The following SRPK2 variants were observed in gnomAD, a reference collection of about 807,000 sequenced individuals.
SRPK2 encodes SFRS protein kinase 2.
In SRPK2, 21 loss-of-function variants were observed where a neutral mutation model predicts 90.8. The ratio of observed to expected loss-of-function variants is 0.23; its 90% confidence interval spans 0.16 to 0.33. The LOEUF is 0.33. Among genes scored for constraint, SRPK2 ranks in the 10% least tolerant of loss-of-function variants. The pLI is 1.00. For missense variants in SRPK2, 620 were observed against 869.0 expected (o/e 0.71, Z 3.60); for synonymous variants, 288 against 311.1 (o/e 0.93, Z 0.78).
intron 2 of SRPK2, among the ~76,000 whole-genome samples, chr7:105,243,646 A>T (rs1410142640): frequency 6.6e-6 from 1 of 151,288 alleles, no homozygotes; most frequent in East Asian, 2.0e-4. Flanking sequence ...AAAAAAAAAA[A>T]AAAACCACAT....
chr7:105,229,588 T>C (rs535604684), intron 2 of SRPK2, among the ~76,000 whole-genome samples: 1 of 152,188 alleles, frequency 6.6e-6, no homozygotes, highest in Non-Finnish European at 1.5e-5. Context: ...TCCCTCTCCT[T>C]CCGCAGTGCC....
chr7:105,127,072 A>G lies in SRPK2; in HGVS notation c.1753-10T>C. ...TTGCCAGCTCAAATGCCTAGGATAC[A>G]ACAGACGACATGCTAAGCACTTCAG... On this transcript the variant is annotated splice_polypyrimidine_tract_variant and intron_variant, in intron 13 of 15. Transcript: ENST00000393651. 6.2e-7 allele frequency: 1 copy of G among 1,614,118 alleles called. No homozygotes were observed. Among genetic ancestry groups the G allele is most frequent in the South Asian group, 1.1e-5 (1 of 91,080 alleles).
rs142876251 is a variant in SRPK2, at chr7:105,349,866, A to G, written c.71+38782T>C. On this transcript the variant is annotated intron_variant, in intron 2 of 15. Coordinates refer to ENST00000393651, the MANE Select transcript of SRPK2 (RefSeq NM_182692.3). ...CGATTCTCCTGCCTCAGCCTCCTGC[A>G]TAGCTGGGATTACAGGCACATGCCA... Among the ~76,000 whole-genome samples, 726 of 151,938 alleles carry G rather than the reference A, an allele frequency of 4.8e-3. 11 individuals are homozygous for G. In the East Asian group the frequency reaches 0.055, roughly 12 times the overall value.
chr7:105,154,073 C>G (rs1374145611), intron 7 of SRPK2, among the ~76,000 whole-genome samples: 1 of 152,218 alleles, frequency 6.6e-6, no homozygotes, highest in Admixed American at 6.5e-5. Flanking sequence ...AACCAAAAAT[C>G]CAGGGGACGG....
At chr7:105,342,608 C>G (rs960464751) in intron 2 of SRPK2, among the ~76,000 whole-genome samples, 2 of 152,128 alleles carry the variant, frequency 1.3e-5, no homozygotes, top group African/African-American at 4.8e-5. Context: ...TCCCAACACT[C>G]TCCACAAAGA....
intron 2 of SRPK2, among the ~76,000 whole-genome samples, chr7:105,362,047 A>G (rs1344476008): frequency 6.6e-6 from 1 of 152,168 alleles, no homozygotes; most frequent in African/African-American, 2.4e-5. Flanking sequence ...GCACTACAGA[A>G]TGGGAGAAAA....
At chr7:105,322,426 C>T (rs570272759) in intron 2 of SRPK2, among the ~76,000 whole-genome samples, 1 of 151,960 alleles carries the variant, frequency 6.6e-6, no homozygotes, top group African/African-American at 2.4e-5. Context: ...TTGATCCATG[C>T]TGCAATATGG....
At chr7:105,248,708 G>C (rs995620365) in intron 2 of SRPK2, among the ~76,000 whole-genome samples, 1 of 152,104 alleles carries the variant, frequency 6.6e-6, no homozygotes. Flanking sequence ...TAGGAGGCCC[G>C]AGGCAGGCAG....
intron 2 of SRPK2, among the ~76,000 whole-genome samples, chr7:105,260,969 A>C (rs1804158551): frequency 6.7e-6 from 1 of 148,458 alleles, no homozygotes; most frequent in Admixed American, 6.9e-5. Flanking sequence ...CCAATATGGC[A>C]CATGTATACC....
intron 2 of SRPK2, among the ~76,000 whole-genome samples, chr7:105,354,461 C>T (rs1160347514): frequency 4.6e-5 from 7 of 152,164 alleles, no homozygotes; most frequent in Non-Finnish European, 1.0e-4. Context: ...ACAAAGGCCA[C>T]AGGGTATGTA....
In SRPK2 at chr7:105,202,136, T is replaced by C. The variant is rs117786807; in HGVS notation, c.229+1492A>G. On this transcript the variant is annotated intron_variant, in intron 3 of 15. Transcript: ENST00000393651. ...TTTTCTAAGGAACACACTGATTCTATGTGGAAGTACGTGCACCTATGAAAG... is the reference window on the plus strand; with the variant it reads ...TTTTCTAAGGAACACACTGATTCTACGTGGAAGTACGTGCACCTATGAAAG... Among the ~76,000 whole-genome samples the C allele has an allele frequency of 3.1e-3, 468 of 152,358 alleles. 14 individuals are homozygous for C. The East Asian group carries it at 0.062, about 20-fold the overall frequency.
At chr7:105,195,194 C>T (rs567415121) in intron 3 of SRPK2, among the ~76,000 whole-genome samples, 3 of 152,276 alleles carry the variant, frequency 2.0e-5, no homozygotes, top group African/African-American at 4.8e-5. Context: ...GGACTACAGG[C>T]GCGTGCCACC....
intron 2 of SRPK2, among the ~76,000 whole-genome samples, chr7:105,292,497 CAAAAAAAAAAAAAAA>C (rs397889533): frequency 1.1e-4 from 8 of 74,806 alleles, no homozygotes; most frequent in East Asian, 8.6e-4. Flanking sequence ...GTAAGACTCT[CAAAAAAAAAAAAAAA>C]AAAAAAAAAA....
At chr7:105,359,567 T>C (rs893500912) in intron 2 of SRPK2, among the ~76,000 whole-genome samples, 6 of 152,184 alleles carry the variant, frequency 3.9e-5, no homozygotes, top group South Asian at 2.1e-4. Context: ...CTCTGCTTAA[T>C]TGTCTAACGT....
At chr7:105,281,080 G>C (rs879379324) in intron 2 of SRPK2, among the ~76,000 whole-genome samples, 1 of 141,352 alleles carries the variant, frequency 7.1e-6, no homozygotes, top group Non-Finnish European at 1.5e-5. Flanking sequence ...TTTTGTTGTT[G>C]TATTTGTTGT....
chr7:105,385,025 C>G (rs974604783), intron 2 of SRPK2, among the ~76,000 whole-genome samples: 10 of 150,934 alleles, frequency 6.6e-5, no homozygotes, highest in Non-Finnish European at 8.8e-5. Context: ...TACAGGCGCC[C>G]ACACGCCCAG....
At chr7:105,298,380 C>A (rs1237085012) in intron 2 of SRPK2, among the ~76,000 whole-genome samples, 10 of 152,106 alleles carry the variant, frequency 6.6e-5, no homozygotes, top group African/African-American at 2.4e-4. Context: ...ATCCATTCAC[C>A]AATTAGGGAA....
At chr7:105,394,909 G>C (rs766090237) in intron 1 of SRPK2, among the ~76,000 whole-genome samples, 31 of 152,162 alleles carry the variant, frequency 2.0e-4, no homozygotes, top group Non-Finnish European at 3.7e-4. Context: ...GGTGGCTTAC[G>C]CCTGTAATCC....
chr7:105,337,665 CTCCT>C (rs1815268732), intron 2 of SRPK2, among the ~76,000 whole-genome samples: 1 of 152,066 alleles, frequency 6.6e-6, no homozygotes, highest in African/African-American at 2.4e-5. Flanking sequence ...CTCCCTAACT[CTCCT>C]AAGCGCGATG....
Sources: gnomAD v4.1 joint callset for allele counts (sites outside exome capture counted in the v4.1 genomes callset) on GRCh38, gnomAD v4.1.1 for gene constraint, MANE v1.5 for transcripts, NCBI Gene and HGNC (gene_info 2026-07-23, HGNC 2026-07-21) for gene names.